The following CHSY3 variants were observed in gnomAD, a reference collection of about 807,000 sequenced individuals.
CHSY3 encodes the protein N-acetylgalactosaminyl-proteoglycan 3-beta-glucuronosyltransferase 3.
A neutral mutation model predicts 67.2 loss-of-function variants in CHSY3; 35 were observed. That is an observed-to-expected ratio of 0.52 (90% confidence interval 0.40 to 0.69). The LOEUF (loss-of-function observed/expected upper bound fraction) is 0.69. Among genes scored for constraint, CHSY3 ranks in the 30% least tolerant of loss-of-function variants. The pLI, the probability that CHSY3 is intolerant of heterozygous loss-of-function variation, is 0.00. For missense variants in CHSY3, 1,069 were observed against 1,138.5 expected (o/e 0.94, Z 0.88); for synonymous variants, 474 against 434.7 (o/e 1.09, Z -1.12).
chr5:129,956,856 C>T lies in CHSY3; in HGVS notation c.1086+48496C>T, dbSNP rs187698387. 3.5e-4 allele frequency among the ~76,000 whole-genome samples: 53 copies of T among 151,816 alleles called. No homozygotes were observed. In the South Asian group the frequency reaches 4.4e-3, roughly 13 times the overall value. On this transcript the variant is annotated intron_variant, in intron 2 of 2. Coordinates refer to ENST00000305031, the MANE Select transcript of CHSY3 (RefSeq NM_175856.5). The stretch of plus-strand genomic sequence containing the variant: ...TTTTGTACCAGTACCATGCTGTTTT[C>T]GTTACTGTAGCTCTTTAGTATAGCT...
chr5:130,074,391 G>A (rs545138486), intron 2 of CHSY3, among the ~76,000 whole-genome samples: 273 of 152,182 alleles, frequency 1.8e-3, no homozygotes, highest in Non-Finnish European at 2.7e-3. Context: ...TTTTAATAGT[G>A]TACCACACTA....
chr5:129,970,359 G>A (rs1442957622), intron 2 of CHSY3, among the ~76,000 whole-genome samples: 4 of 151,532 alleles, frequency 2.6e-5, no homozygotes, highest in African/African-American at 7.3e-5. Flanking sequence ...TAGATGGATG[G>A]ATGGATGCAT....
At chr5:130,012,445 T>C (rs1269366029) in intron 2 of CHSY3, among the ~76,000 whole-genome samples, 1 of 152,204 alleles carries the variant, frequency 6.6e-6, no homozygotes, top group Non-Finnish European at 1.5e-5. Flanking sequence ...TAGTCCATTC[T>C]CATGCTACTG....
At position 130,184,769 on chromosome 5, in the gene CHSY3, C is replaced by T. The variant is rs1770362669; in HGVS notation, c.1627C>T (p.Leu543Phe). 9 of 1,603,024 alleles carry T rather than the reference C, an allele frequency of 5.6e-6. No individual in the cohort carries two copies. In the East Asian group the frequency reaches 2.0e-4, roughly 36 times the overall value. ...HGVEYILDLL[L>F]LYKRHKGRKL... is the part of the protein sequence containing the mutation. ...GGTGGAGTACATTTTGGATTTACTC[C>T]TTTTATACAAAAGACACAAGGGAAG... is the stretch of plus-strand genomic sequence containing the variant. Residue 543 changes from leucine (L) to phenylalanine (F), a missense_variant, in exon 3 of 3, where the codon CTT becomes TTT. Physicochemically the swap from Leu to Phe is conservative, Grantham distance 22. This residue lies in a region of CHSY3 where 401 missense variants were observed against 395.2 expected (regional missense o/e 1.01). Transcript: ENST00000305031.
chr5:130,167,628 A>C (rs371580227), intron 2 of CHSY3, among the ~76,000 whole-genome samples: 206 of 152,248 alleles, frequency 1.4e-3, no homozygotes, highest in South Asian at 4.6e-3. Flanking sequence ...AAACTGATCT[A>C]AAAGTATAAG....
intron 2 of CHSY3, among the ~76,000 whole-genome samples, chr5:130,066,239 A>G (rs1765880203): frequency 6.6e-6 from 1 of 152,050 alleles, no homozygotes. Flanking sequence ...ATCTATTATT[A>G]TTGATTTTGC....
intron 2 of CHSY3, among the ~76,000 whole-genome samples, chr5:130,025,057 G>C (rs907405206): frequency 2.0e-5 from 3 of 152,086 alleles, no homozygotes; most frequent in African/African-American, 4.8e-5. Flanking sequence ...TTCTTCCCTT[G>C]AGAAGTATTT....
At chr5:130,061,481 C>T (rs1047219236) in intron 2 of CHSY3, among the ~76,000 whole-genome samples, 2 of 151,966 alleles carry the variant, frequency 1.3e-5, no homozygotes, top group Non-Finnish European at 1.5e-5. Context: ...AAATTCTTTT[C>T]GACATTGGCC....
intron 2 of CHSY3, among the ~76,000 whole-genome samples, chr5:129,994,484 T>A (rs1169909216): frequency 3.3e-5 from 5 of 152,180 alleles, no homozygotes; most frequent in Admixed American, 6.6e-5. Context: ...ACTGATACCC[T>A]TTCTTCCAGT....
chr5:129,953,565 A>G (rs1452897936), intron 2 of CHSY3, among the ~76,000 whole-genome samples: 6 of 152,204 alleles, frequency 3.9e-5, no homozygotes, highest in Non-Finnish European at 7.4e-5. Flanking sequence ...ACTGTCTTCC[A>G]CAATGGTTGA....
intron 2 of CHSY3, among the ~76,000 whole-genome samples, chr5:130,146,643 AT>A (rs1237396716): frequency 6.6e-6 from 1 of 152,160 alleles, no homozygotes. Context: ...GAAATGATAA[AT>A]GCGTTTATCA....
rs188042695 is a variant in CHSY3 at position 130,028,396 on chromosome 5, C to T, written c.1086+120036C>T. 5.7e-3 allele frequency among the ~76,000 whole-genome samples: 873 copies of T among 152,100 alleles called. 8 individuals are homozygous for T. The highest frequency in any genetic ancestry group is 0.042 in the South Asian group (200 of 4,816). ...TGATCTTTAACAAACCTGACAAAAA[C>T]AAGAAATGGGGAAAGGATTCCCTAT... On this transcript the variant is annotated intron_variant, in intron 2 of 2. Coordinates refer to ENST00000305031, the MANE Select transcript of CHSY3 (RefSeq NM_175856.5).
intron 2 of CHSY3, among the ~76,000 whole-genome samples, chr5:130,070,920 T>C (rs990407278): frequency 6.6e-6 from 1 of 152,102 alleles, no homozygotes; most frequent in African/African-American, 2.4e-5. Context: ...AAGTCATTTT[T>C]ATGTTCCTTT....
intron 2 of CHSY3, among the ~76,000 whole-genome samples, chr5:130,178,227 T>TTATATATATATATATATA (rs1554088379): frequency 1.5e-5 from 1 of 65,836 alleles, no homozygotes; most frequent in African/African-American, 6.6e-5. Flanking sequence ...ATATTTATAT[T>TTATATATATATATATATA]TATATATATA....
chr5:130,185,287 A>G lies in CHSY3; in HGVS notation c.2145A>G (p.Leu715=). ...SAQFDNDTLL[L]FCDVDLIFRE... is the part of the protein sequence containing the mutation. ...AGTTTGACAATGACACTTTGCTGCT[A>G]TTTTGTGATGTTGACTTGATCTTCA... Residue 715 remains leucine, a synonymous_variant, in exon 3 of 3, where the codon CTA becomes CTG. Coordinates refer to ENST00000305031, the MANE Select transcript of CHSY3 (RefSeq NM_175856.5). 6.2e-7 allele frequency: 1 copy of G among 1,611,514 alleles called. No individual in the cohort carries two copies. Among genetic ancestry groups the G allele is most frequent in the Non-Finnish European group, 8.5e-7 (1 of 1,177,712 alleles).
chr5:130,120,366 T>C (rs1767968515), intron 2 of CHSY3, among the ~76,000 whole-genome samples: 1 of 151,564 alleles, frequency 6.6e-6, no homozygotes, highest in African/African-American at 2.4e-5. Context: ...TCCTGTAGTG[T>C]TCTCTGTAGC....
Position 129,999,765 on chromosome 5 carries a change from A to T in CHSY3, c.1086+91405A>T, listed in dbSNP as rs576865606. On this transcript the variant is annotated intron_variant, in intron 2 of 2. Coordinates refer to ENST00000305031, the MANE Select transcript of CHSY3 (RefSeq NM_175856.5). ...ACTTACTTAGAAGAATTTGCTTTAAAACAAAATTTAAACTCTACCATATAT... is the reference window on the plus strand; with the variant it reads ...ACTTACTTAGAAGAATTTGCTTTAATACAAAATTTAAACTCTACCATATAT... Among the ~76,000 whole-genome samples, 8 of 152,304 alleles carry T rather than the reference A, an allele frequency of 5.3e-5. No individual in the cohort carries two copies. The South Asian group carries it at 1.7e-3, about 32-fold the overall frequency.
intron 2 of CHSY3, among the ~76,000 whole-genome samples, chr5:130,142,192 A>C (rs1167330151): frequency 3.3e-5 from 5 of 152,166 alleles, no homozygotes; most frequent in Non-Finnish European, 2.9e-5. Flanking sequence ...GGCACCAAAA[A>C]ATTCTATAAT....
At chr5:129,985,978 A>T (rs1763189140) in intron 2 of CHSY3, among the ~76,000 whole-genome samples, 1 of 152,266 alleles carries the variant, frequency 6.6e-6, no homozygotes, top group East Asian at 1.9e-4. Flanking sequence ...ATCTGCGAAG[A>T]GAGATGGTTT....
Sources: allele counts gnomAD v4.1 joint callset (sites outside exome capture counted in the v4.1 genomes callset), GRCh38; gene constraint gnomAD v4.1.1; regional missense constraint gnomAD v4.1.1; transcripts MANE v1.5; gene names NCBI Gene and HGNC (gene_info 2026-07-23, HGNC 2026-07-21).